SCN11A: variants seen among roughly 807,000 people sequenced by gnomAD.
SCN11A encodes the protein sodium channel protein type 11 subunit alpha.
Under a neutral mutation model 162.2 loss-of-function variants are expected in SCN11A, and 122 were observed. The ratio of observed to expected loss-of-function variants is 0.75; its 90% confidence interval spans 0.65 to 0.87. SCN11A has a LOEUF of 0.87. Among genes scored for constraint, SCN11A ranks in the 40% least tolerant of loss-of-function variants. The pLI, the probability that SCN11A is intolerant of heterozygous loss-of-function variation, is 0.00. For synonymous variants in SCN11A, 758 were observed against 751.5 expected (o/e 1.01, Z -0.14); for missense variants, 2,015 against 2,181.6 (o/e 0.92, Z 1.52).
chr3:39,034,747 C>G (rs1575367755), intron 1 of SCN11A, among the ~76,000 whole-genome samples: 1 of 152,086 alleles, frequency 6.6e-6, no homozygotes, highest in South Asian at 2.1e-4. Context: ...AACTGATAAA[C>G]AAATTCAGTA....
intron 2 of SCN11A, among the ~76,000 whole-genome samples, chr3:39,011,711 C>T (rs2031140070): frequency 6.6e-6 from 1 of 152,162 alleles, no homozygotes; most frequent in Admixed American, 6.5e-5. Flanking sequence ...TGGAAGTCTC[C>T]TTGAAGGAGC....
chr3:38,918,700 T>C (rs960493155), intron 11 of SCN11A, among the ~76,000 whole-genome samples: 5 of 152,214 alleles, frequency 3.3e-5, no homozygotes, highest in East Asian at 1.9e-4. Context: ...TTGGGAATCA[T>C]TCTAGAAAGC....
rs760223977 is a variant in SCN11A at position 38,880,048 on chromosome 3, G to T, written c.3295C>A (p.His1099Asn). Reference protein sequence around the residue: ...LLNCTDIIFTHIFILEMVLKW... With the variant: ...LLNCTDIIFTNIFILEMVLKW... Reference sequence around the variant, plus strand: ...AGTACCATCTCCAGGATAAAAATATGTGTAAAAATAATGTCAGTACAATTT... The same window carrying T: ...AGTACCATCTCCAGGATAAAAATATTTGTAAAAATAATGTCAGTACAATTT... The change falls in exon 23 of 30, where the codon CAT (histidine) becomes AAT (asparagine). Residue 1099 changes from histidine to asparagine, a missense_variant. Transcript: ENST00000302328. The T allele has an allele frequency of 3.8e-5, 61 of 1,610,188 alleles. No homozygotes were observed. The highest frequency in any genetic ancestry group is 5.0e-5 in the Non-Finnish European group (59 of 1,176,878).
intron 19 of SCN11A, among the ~76,000 whole-genome samples, chr3:38,890,190 C>G (rs1455476203): frequency 1.3e-5 from 2 of 152,110 alleles, no homozygotes; most frequent in Admixed American, 1.3e-4. Flanking sequence ...GGCAAAAGCT[C>G]TGGGGGTGGG....
At chr3:39,025,087 A>G (rs189677198) in intron 2 of SCN11A, among the ~76,000 whole-genome samples, 124 of 152,290 alleles carry the variant, frequency 8.1e-4, no homozygotes, top group African/African-American at 2.9e-3. Context: ...TTGGAGTAAC[A>G]GCTTGCTTTG....
At chr3:39,000,424 T>C (rs975424762) in intron 2 of SCN11A, among the ~76,000 whole-genome samples, 1 of 152,204 alleles carries the variant, frequency 6.6e-6, no homozygotes, top group Admixed American at 6.5e-5. Context: ...CTTTACATTG[T>C]TGACCTACTC....
chr3:38,989,125 A>G (rs2030369392), intron 2 of SCN11A, among the ~76,000 whole-genome samples: 1 of 152,146 alleles, frequency 6.6e-6, no homozygotes, highest in Non-Finnish European at 1.5e-5. Context: ...CAGCCTCCAT[A>G]TAAGAACTCC....
chr3:38,871,606 A>C lies in SCN11A; in HGVS notation c.3598T>G (p.Phe1200Val). The C allele has an allele frequency of 6.2e-7, 1 of 1,613,146 alleles. No individual in the cohort carries two copies. Among genetic ancestry groups the C allele is most frequent in the Non-Finnish European group, 8.5e-7 (1 of 1,179,306 alleles). ...LVFCILGVYF[F>V]SGKFGKCING... Reference sequence around the variant, plus strand: ...ATGCATTTCCCAAATTTTCCAGAAAAGAAGTATACTCCCAGAATACAAAAT... The same window carrying C: ...ATGCATTTCCCAAATTTTCCAGAAACGAAGTATACTCCCAGAATACAAAAT... The change falls in exon 25 of 30, where the codon TTT becomes GTT. Residue 1200 changes from phenylalanine to valine, a missense_variant. Phe to Val is a conservative substitution (Grantham distance 50). Transcript: ENST00000302328.
At chr3:38,984,894 C>CA (rs1336989767) in intron 2 of SCN11A, among the ~76,000 whole-genome samples, 10 of 151,260 alleles carry the variant, frequency 6.6e-5, no homozygotes, top group African/African-American at 2.5e-4. Flanking sequence ...AATGCAAAGA[C>CA]CTTGACTCAG....
At chr3:38,931,140 C>A (rs2066234035) in intron 7 of SCN11A, among the ~76,000 whole-genome samples, 1 of 152,226 alleles carries the variant, frequency 6.6e-6, no homozygotes, top group Non-Finnish European at 1.5e-5. Flanking sequence ...CCTCATGCAA[C>A]AGCCAAATCT....
chr3:39,012,142 A>G (rs1414871444), intron 2 of SCN11A, among the ~76,000 whole-genome samples: 10 of 152,020 alleles, frequency 6.6e-5, no homozygotes, highest in East Asian at 1.9e-4. Flanking sequence ...ACTGACCAAC[A>G]TGGAGAAACC....
intron 19 of SCN11A, among the ~76,000 whole-genome samples, chr3:38,889,170 A>G (rs1414348257): frequency 6.6e-6 from 1 of 152,148 alleles, no homozygotes; most frequent in Admixed American, 6.5e-5. Flanking sequence ...TTATGCCTGT[A>G]ATTCCTGCAC....
intron 22 of SCN11A, among the ~76,000 whole-genome samples, chr3:38,881,404 G>T (rs1373293185): frequency 6.6e-6 from 1 of 152,204 alleles, no homozygotes; most frequent in African/African-American, 2.4e-5. Flanking sequence ...GGTATTGGGT[G>T]CTCATTTCCT....
rs1019366492 is a variant in SCN11A at position 39,020,813 on chromosome 3, A to C, written c.-280+11567T>G. On this transcript the variant is annotated intron_variant, in intron 2 of 29. Coordinates refer to ENST00000302328, the MANE Select transcript of SCN11A (RefSeq NM_001349253.2). The stretch of plus-strand genomic sequence containing the variant: ...TGTATTAGATTGTCCTAGCAAATGC[A>C]CTGTTCACATCCTCTAAGCAGTGGC... Among the ~76,000 whole-genome samples the C allele has an allele frequency of 2.6e-5, 4 of 152,234 alleles. No homozygotes were observed. The East Asian group carries it at 7.7e-4, about 29-fold the overall frequency.
intron 28 of SCN11A, among the ~76,000 whole-genome samples, chr3:38,850,968 G>A (rs1285919618): frequency 6.6e-6 from 1 of 152,116 alleles, no homozygotes; most frequent in East Asian, 1.9e-4. Context: ...GGTTTTAAGT[G>A]CTTGGGCTTA....
chr3:38,961,633 T>C (rs1401176809), intron 2 of SCN11A, among the ~76,000 whole-genome samples: 2 of 152,244 alleles, frequency 1.3e-5, no homozygotes, highest in Non-Finnish European at 2.9e-5. Context: ...AACGTGTGTG[T>C]TTGAAAAGGT....
intron 7 of SCN11A, among the ~76,000 whole-genome samples, chr3:38,928,679 A>G (rs545490297): frequency 1.3e-5 from 2 of 152,366 alleles, no homozygotes; most frequent in Admixed American, 1.3e-4. Flanking sequence ...GAGCATATGA[A>G]AAGATGCTCA....
At chr3:39,000,318 CTGGG>C (rs2030771606) in intron 2 of SCN11A, among the ~76,000 whole-genome samples, 1 of 152,102 alleles carries the variant, frequency 6.6e-6, no homozygotes, top group African/African-American at 2.4e-5. Context: ...TTGGTGTGGA[CTGGG>C]TAGAGCTTGG....
chr3:38,884,873 G>C (rs1575244702), intron 21 of SCN11A, among the ~76,000 whole-genome samples: 1 of 152,362 alleles, frequency 6.6e-6, no homozygotes, highest in African/African-American at 2.4e-5. Context: ...CAGCTCATAA[G>C]TGGCAAGGCC....
Sources: gnomAD v4.1 joint callset for allele counts (sites outside exome capture counted in the v4.1 genomes callset) on GRCh38, gnomAD v4.1.1 for gene constraint, MANE v1.5 for transcripts, NCBI Gene and HGNC (gene_info 2026-07-23, HGNC 2026-07-21) for gene names.